Variants in UGT1A9 observed in about 807,000 individuals in gnomAD.
UGT1A9 encodes UDP glucuronosyltransferase family 1 member A9, also known as UDP-glucuronosyltransferase 1A9.
Under a neutral mutation model 45.0 loss-of-function variants are expected in UGT1A9, and 35 were observed. That is an observed-to-expected ratio of 0.78 (90% confidence interval 0.59 to 1.03). The LOEUF is 1.03. UGT1A9 is among the 50% of genes least tolerant of loss of function. UGT1A9 has a pLI of 0.00. For missense variants in UGT1A9, 687 were observed against 666.6 expected (o/e 1.03, Z -0.34); for synonymous variants, 278 against 250.6 (o/e 1.11, Z -1.03).
chr2:233,686,409 G>A (rs2074787564), intron 1 of UGT1A9, among the ~76,000 whole-genome samples: 1 of 152,094 alleles, frequency 6.6e-6, no homozygotes, highest in South Asian at 2.1e-4. Context: ...TTATTAAGGT[G>A]TGCAGATAAA....
chr2:233,743,846 C>T lies in UGT1A9; in HGVS notation c.856-23188C>T, dbSNP rs779214397. On this transcript the variant is annotated intron_variant, in intron 1 of 4. Transcript: ENST00000354728. ...GGGGTGCCACTTGAGCGCCAGCTTG[C>T]GGTACGCCTTCTTGATGGCCTCGGA... 13 of 1,367,112 alleles carry T rather than the reference C, an allele frequency of 9.5e-6. No individual in the cohort carries two copies. The Admixed American group carries it at 1.1e-4, about 12-fold the overall frequency. The allele number at this position is 1,367,112 out of a possible 1,614,324, so 84.7% of individuals were successfully genotyped here.
intron 1 of UGT1A9, among the ~76,000 whole-genome samples, chr2:233,675,477 C>A (rs182686828): frequency 6.6e-6 from 1 of 152,068 alleles, no homozygotes; most frequent in African/African-American, 2.4e-5. Context: ...ATGGCAGGTG[C>A]GGCTCTGGGG....
intron 4 of UGT1A9, 143 bp downstream of exon 4, chr2:233,768,582 C>CTTT (rs139595073): frequency 4.4e-4 from 456 of 1,032,814 alleles, no homozygotes; most frequent in African/African-American, 3.3e-3. Flanking sequence ...TTTATTTCTT[C>CTTT]TTTTTTTTTT....
At chr2:233,699,519 C>T (rs868288964) in intron 1 of UGT1A9, among the ~76,000 whole-genome samples, 4 of 152,156 alleles carry the variant, frequency 2.6e-5, no homozygotes, top group East Asian at 1.9e-4. Flanking sequence ...TCAAGCCTTC[C>T]GAAGGACAGG....
intron 1 of UGT1A9, chr2:233,693,980 G>T: frequency 6.4e-7 from 1 of 1,558,524 alleles, no homozygotes. Context: ...GAAACGGTGG[G>T]GGGAAGTGAT....
Position 233,690,202 on chromosome 2 carries a change from T to A in UGT1A9, c.855+17413T>A, listed in dbSNP as rs377693570. Among the ~76,000 whole-genome samples the A allele has an allele frequency of 3.9e-5, 6 of 152,242 alleles. No homozygotes were observed. The South Asian group carries it at 8.3e-4, about 21-fold the overall frequency. On this transcript the variant is annotated intron_variant, in intron 1 of 4. Transcript: ENST00000354728. ...GCCATTTCATAAAATATTCATAAAT[T>A]CAATGTTTGCCATTTTAGTATTCTA... is the stretch of plus-strand genomic sequence containing the variant.
intron 1 of UGT1A9, among the ~76,000 whole-genome samples, chr2:233,748,613 G>A (rs1489441058): frequency 2.0e-5 from 3 of 151,820 alleles, no homozygotes; most frequent in African/African-American, 7.3e-5. Flanking sequence ...AGCAACGAAC[G>A]TGGGATATAT....
intron 1 of UGT1A9, among the ~76,000 whole-genome samples, chr2:233,763,609 C>T (rs1698356254): frequency 6.6e-6 from 1 of 152,206 alleles, no homozygotes; most frequent in Non-Finnish European, 1.5e-5. Context: ...TGCCACTCTG[C>T]ACTACCATTC....
intron 1 of UGT1A9, among the ~76,000 whole-genome samples, chr2:233,739,543 T>G (rs555327898): frequency 6.6e-6 from 1 of 152,334 alleles, no homozygotes; most frequent in South Asian, 2.1e-4. Context: ...TTTTGGAGCT[T>G]TAAGATTTAA....
At chr2:233,713,023 A>G (rs576086579) in intron 1 of UGT1A9, 145 of 1,613,794 alleles carry the variant, frequency 9.0e-5, no homozygotes, top group Middle Eastern at 7.0e-4. Context: ...CCCCTGCCGC[A>G]GCTGGCCACA....
chr2:233,739,272 C>A (rs1444866031), intron 1 of UGT1A9, among the ~76,000 whole-genome samples: 1 of 152,138 alleles, frequency 6.6e-6, no homozygotes, highest in African/African-American at 2.4e-5. Context: ...AGGTTGGAGC[C>A]CCCACACAGA....
At chr2:233,689,219 G>T (rs1274133852) in intron 1 of UGT1A9, among the ~76,000 whole-genome samples, 2 of 152,150 alleles carry the variant, frequency 1.3e-5, no homozygotes, top group African/African-American at 4.8e-5. Context: ...ATACTTACCT[G>T]CACTTCCCTA....
chr2:233,765,491 C>T (rs1438228783), intron 1 of UGT1A9, among the ~76,000 whole-genome samples: 1 of 152,094 alleles, frequency 6.6e-6, no homozygotes, highest in African/African-American at 2.4e-5. Flanking sequence ...TCATCCTCCA[C>T]AAACTAACAC....
chr2:233,695,457 T>C (rs1007830412), intron 1 of UGT1A9, among the ~76,000 whole-genome samples: 32 of 151,984 alleles, frequency 2.1e-4, no homozygotes, highest in Middle Eastern at 3.4e-3. Flanking sequence ...ATCAACGTGC[T>C]TTATTGGCCC....
intron 1 of UGT1A9, among the ~76,000 whole-genome samples, chr2:233,724,309 C>T (rs1481957391): frequency 1.9e-4 from 27 of 145,654 alleles, no homozygotes; most frequent in East Asian, 8.6e-4. Flanking sequence ...ACCTCCCTCC[C>T]GGACGGGGCG....
intron 1 of UGT1A9, among the ~76,000 whole-genome samples, chr2:233,701,055 T>G (rs904077484): frequency 6.6e-6 from 1 of 152,218 alleles, no homozygotes; most frequent in Non-Finnish European, 1.5e-5. Context: ...GAACTCATAA[T>G]TTTTTATGGC....
intron 1 of UGT1A9, chr2:233,729,891 G>A: frequency 1.2e-6 from 2 of 1,613,886 alleles, no homozygotes; most frequent in Non-Finnish European, 1.7e-6. Flanking sequence ...CATCTGTGTG[G>A]CTGTTCCGAG....
In UGT1A9 at chr2:233,691,414, C is replaced by T. The variant is rs1302692454; in HGVS notation, c.855+18625C>T. ...GGGCCAGCCCTGTCCTTGGAGTGGCCCCTCTAATCATGTTGCTCAGGCTTC... is the reference window on the plus strand; with the variant it reads ...GGGCCAGCCCTGTCCTTGGAGTGGCTCCTCTAATCATGTTGCTCAGGCTTC... On this transcript the variant is annotated intron_variant, in intron 1 of 4. Transcript: ENST00000354728. The T allele has an allele frequency of 4.1e-6, 4 of 985,422 alleles. No homozygotes were observed. The East Asian group carries it at 4.5e-4, about 112-fold the overall frequency. The allele number at this position is 985,422 out of a possible 1,614,324, so 61.0% of individuals were successfully genotyped here. A position where few individuals can be genotyped will look rare whatever the true frequency, so the allele number is the denominator to read the frequency against.
chr2:233,737,111 A>G (rs1182220663), intron 1 of UGT1A9, among the ~76,000 whole-genome samples: 1 of 152,120 alleles, frequency 6.6e-6, no homozygotes. Context: ...TGTTCCCCAC[A>G]TGTTCAGAAG....
Sources: gnomAD v4.1 joint callset for allele counts (sites outside exome capture counted in the v4.1 genomes callset) on GRCh38, gnomAD v4.1.1 for gene constraint, MANE v1.5 for transcripts, NCBI Gene and HGNC (gene_info 2026-07-23, HGNC 2026-07-21) for gene names.